The following ZNF804B variants were observed in gnomAD, a reference collection of about 807,000 sequenced individuals.
ZNF804B encodes zinc finger protein 804B, also known as zinc finger 804B.
Under a neutral mutation model 101.4 loss-of-function variants are expected in ZNF804B, and 80 were observed. The observed-to-expected ratio is 0.79, with a 90% CI of 0.66 to 0.95. The LOEUF is 0.95. Among genes scored for constraint, ZNF804B ranks in the 40% least tolerant of loss-of-function variants. The pLI, the probability that ZNF804B is intolerant of heterozygous loss-of-function variation, is 0.00. For synonymous variants in ZNF804B, 622 were observed against 558.8 expected, an observed-to-expected ratio of 1.11 and a Z score of -1.59; for missense variants, 1,673 against 1,561.9, an observed-to-expected ratio of 1.07 and a Z score of -1.20.
At chr7:89,023,027 T>C (rs114339123) in intron 1 of ZNF804B, among the ~76,000 whole-genome samples, 4,636 of 152,298 alleles carry the variant, frequency 0.03, 245 homozygotes, top group African/African-American at 0.11. Context: ...CCCATACTTC[T>C]GATTTCAAAA....
chr7:89,290,462 C>T (rs780746050), intron 2 of ZNF804B, among the ~76,000 whole-genome samples: 2 of 152,168 alleles, frequency 1.3e-5, no homozygotes, highest in Non-Finnish European at 2.9e-5. Flanking sequence ...TCTGGGCCTT[C>T]CTGGAGCCAG....
rs1299601590 is a variant in ZNF804B at position 89,334,612 on chromosome 7, G to A, written c.1630G>A (p.Asp544Asn). Reference protein sequence around the residue: ...PKPKTMIANPDWEKFQRKYNL... With the variant: ...PKPKTMIANPNWEKFQRKYNL... ...ACCAAAGACGATGATAGCTAATCCG[G>A]ATTGGGAAAAATTCCAGAGGAAATA... The change falls in exon 4 of 4, where the codon GAT becomes AAT. Residue 544 changes from aspartate to asparagine, a missense_variant. Asp to Asn is a conservative substitution (Grantham distance 23). Transcript: ENST00000333190. The A allele has an allele frequency of 6.2e-7, 1 of 1,613,764 alleles. No homozygotes were observed. Among genetic ancestry groups the A allele is most frequent in the East Asian group, 2.2e-5 (1 of 44,854 alleles).
chr7:88,900,462 A>G (rs1792371828), intron 1 of ZNF804B, among the ~76,000 whole-genome samples: 1 of 151,128 alleles, frequency 6.6e-6, no homozygotes, highest in Non-Finnish European at 1.5e-5. Flanking sequence ...GAGATTAAAG[A>G]CTATTTCAAA....
At chr7:88,865,593 T>C (rs987211822) in intron 1 of ZNF804B, among the ~76,000 whole-genome samples, 26 of 152,140 alleles carry the variant, frequency 1.7e-4, no homozygotes, top group African/African-American at 6.3e-4. Context: ...AGAAACAAAC[T>C]TCTGTGACCC....
At chr7:89,312,586 A>C (rs1790662271) in intron 2 of ZNF804B, among the ~76,000 whole-genome samples, 1 of 152,212 alleles carries the variant, frequency 6.6e-6, no homozygotes, top group Non-Finnish European at 1.5e-5. Context: ...CAGCAATGTC[A>C]GGAAACTCAT....
intron 2 of ZNF804B, among the ~76,000 whole-genome samples, chr7:89,227,031 G>T (rs963881797): frequency 2.6e-5 from 4 of 152,166 alleles, no homozygotes; most frequent in Non-Finnish European, 2.9e-5. Context: ...CAGGTCAGAT[G>T]CATAGCTATT....
intron 1 of ZNF804B, among the ~76,000 whole-genome samples, chr7:89,164,994 G>A (rs972011736): frequency 1.3e-5 from 2 of 151,974 alleles, no homozygotes; most frequent in African/African-American, 4.8e-5. Context: ...ATACATTTCT[G>A]TGTTACTTTA....
At chr7:89,219,487 A>G (rs17167544) in intron 2 of ZNF804B, among the ~76,000 whole-genome samples, 18,677 of 151,720 alleles carry the variant, frequency 0.12, 1,348 homozygotes, top group Middle Eastern at 0.26. Flanking sequence ...ATGGGCATCT[A>G]TATTATTAGT....
chr7:88,849,412 C>T (rs1384397589), intron 1 of ZNF804B, among the ~76,000 whole-genome samples: 2 of 151,732 alleles, frequency 1.3e-5, no homozygotes, highest in Admixed American at 1.3e-4. Context: ...CTTAATCCAA[C>T]ATTTTATATT....
intron 1 of ZNF804B, among the ~76,000 whole-genome samples, chr7:89,027,382 G>C (rs1017026329): frequency 2.0e-5 from 3 of 152,084 alleles, no homozygotes; most frequent in African/African-American, 7.2e-5. Context: ...CTTAAAATAA[G>C]AGAATTTCTT....
At chr7:89,298,301 A>G (rs1648678239) in intron 2 of ZNF804B, among the ~76,000 whole-genome samples, 1 of 132,072 alleles carries the variant, frequency 7.6e-6, no homozygotes, top group East Asian at 2.4e-4. Context: ...CAGGTTTATT[A>G]CATAGGTATA....
At chr7:89,311,116 A>T (rs1790644409) in intron 2 of ZNF804B, among the ~76,000 whole-genome samples, 1 of 152,190 alleles carries the variant, frequency 6.6e-6, no homozygotes, top group Non-Finnish European at 1.5e-5. Flanking sequence ...GAAGCAATAG[A>T]GGTAGAAATG....
intron 1 of ZNF804B, among the ~76,000 whole-genome samples, chr7:89,054,383 G>GA (rs542714096): frequency 2.7e-5 from 4 of 149,646 alleles, no homozygotes; most frequent in Admixed American, 6.7e-5. Flanking sequence ...TTTCTGGAGA[G>GA]AAAAAAAACA....
At chr7:88,834,065 T>C (rs1437293406) in intron 1 of ZNF804B, among the ~76,000 whole-genome samples, 1 of 151,790 alleles carries the variant, frequency 6.6e-6, no homozygotes, top group Non-Finnish European at 1.5e-5. Context: ...CCAAGCAGAT[T>C]AGCCTGTATT....
At chr7:88,908,354 T>A (rs1233964139) in intron 1 of ZNF804B, among the ~76,000 whole-genome samples, 1 of 151,680 alleles carries the variant, frequency 6.6e-6, no homozygotes, top group Non-Finnish European at 1.5e-5. Flanking sequence ...TGATAGTTAC[T>A]CCCAGAAAAA....
chr7:89,131,144 C>A lies in ZNF804B; in HGVS notation c.109-87011C>A, dbSNP rs1325320191. 2.0e-5 allele frequency among the ~76,000 whole-genome samples: 3 copies of A among 152,024 alleles called. No individual in the cohort carries two copies. In the East Asian group the frequency reaches 5.8e-4, roughly 29 times the overall value. ...ATCTGAGATCTTTGATTTGTGGGAA[C>A]ATAAAAATCAAATTGACTTTATGCA... On this transcript the variant is annotated intron_variant, in intron 1 of 3. Coordinates refer to ENST00000333190, the MANE Select transcript of ZNF804B (RefSeq NM_181646.5).
chr7:88,921,911 C>A (rs549416336), intron 1 of ZNF804B, among the ~76,000 whole-genome samples: 3 of 152,008 alleles, frequency 2.0e-5, no homozygotes, highest in Admixed American at 6.6e-5. Context: ...ATATAACTAG[C>A]TGTGCCTCAC....
At chr7:88,891,149 A>C (rs531716014) in intron 1 of ZNF804B, among the ~76,000 whole-genome samples, 1 of 152,288 alleles carries the variant, frequency 6.6e-6, no homozygotes, top group South Asian at 2.1e-4. Context: ...ATATAGAAAC[A>C]TAATTGAGTT....
chr7:89,086,655 C>A (rs1789806708), intron 1 of ZNF804B, among the ~76,000 whole-genome samples: 1 of 151,948 alleles, frequency 6.6e-6, no homozygotes, highest in Non-Finnish European at 1.5e-5. Flanking sequence ...AGTCATTTAA[C>A]AATCATATTT....
Sources: allele counts gnomAD v4.1 joint callset (sites outside exome capture counted in the v4.1 genomes callset), GRCh38; gene constraint gnomAD v4.1.1; transcripts MANE v1.5; gene names NCBI Gene and HGNC (gene_info 2026-07-23, HGNC 2026-07-21).